TRIM14: variants seen among roughly 807,000 people sequenced by gnomAD.
The protein encoded by TRIM14 is tripartite motif containing 14.
In TRIM14, 28 loss-of-function variants were observed where a neutral mutation model predicts 44.5. That is an observed-to-expected ratio of 0.63 (90% CI 0.47 to 0.86). The LOEUF (loss-of-function observed/expected upper bound fraction) is 0.86. Among genes scored for constraint, TRIM14 ranks in the 40% least tolerant of loss-of-function variants. The pLI, the probability that TRIM14 is intolerant of heterozygous loss-of-function variation, is 0.00. For missense variants in TRIM14, 607 were observed against 611.1 expected (o/e 0.99, Z 0.07); for synonymous variants, 299 against 269.2 (o/e 1.11, Z -1.08).
intron 5 of TRIM14, 77 bp from the exon 6 acceptor site, chr9:98,088,082 C>G: frequency 1.5e-6 from 2 of 1,365,436 alleles, no homozygotes; most frequent in Non-Finnish European, 1.9e-6. Context: ...CCCACCAACG[C>G]ACGTGCAAAT....
the TRIM14 span, among the ~76,000 whole-genome samples, chr9:98,054,720 C>T: frequency 7.2e-5 from 11 of 152,304 alleles, no homozygotes; most frequent in African/African-American, 2.6e-4. Flanking sequence ...ATAGAGATGA[C>T]GCCAGAGTCA....
intron 1 of TRIM14, among the ~76,000 whole-genome samples, chr9:98,114,099 T>C (rs1053991508): frequency 6.6e-6 from 1 of 152,218 alleles, no homozygotes; most frequent in African/African-American, 2.4e-5. Flanking sequence ...ATGGGAAATA[T>C]TGTCAAATAA....
At position 98,100,273 on chromosome 9, in the gene TRIM14, C is replaced by T. The variant is rs1317568242; in HGVS notation, c.304-109G>A. ...CTGAAATGTGAGTTCAGTAAAGTGGCCAGTCAGACACAAGATCAACTTATA... is the reference window on the plus strand; with the variant it reads ...CTGAAATGTGAGTTCAGTAAAGTGGTCAGTCAGACACAAGATCAACTTATA... On this transcript the variant is annotated intron_variant, in intron 2 of 5. Coordinates refer to ENST00000341469, the MANE Select transcript of TRIM14 (RefSeq NM_014788.4). 6.4e-6 allele frequency: 6 copies of T among 941,920 alleles called. No individual in the cohort carries two copies. In the African/African-American group the frequency reaches 9.9e-5, roughly 15 times the overall value. 58.3% of individuals were successfully genotyped at this position (941,920 alleles called of 1,614,324 possible).
downstream of TRIM14, chr9:98,080,733 G>A (rs1829814314): frequency 6.8e-7 from 1 of 1,468,984 alleles, no homozygotes; most frequent in Middle Eastern, 2.6e-4. Flanking sequence ...GCTAAACCGG[G>A]GCTCAACCAG....
Position 98,077,611 on chromosome 9 carries a change from G to A in TRIM14, c.*29-7924C>T, listed in dbSNP as rs116074128. Among the ~76,000 whole-genome samples, 675 of 152,262 alleles carry A rather than the reference G, an allele frequency of 4.4e-3. 2 individuals carry two copies. Among genetic ancestry groups the A allele is most frequent in the African/African-American group, 0.015 (632 of 41,526 alleles). On this transcript the variant is annotated intron_variant, in intron 6 of 6. Transcript: ENST00000375098. Reference sequence around the variant, plus strand: ...TGCATTACTGTGGCCCCAGCTACTCGGGAGGCTGAGGTAGGAGGATTGCTT... The same window carrying A: ...TGCATTACTGTGGCCCCAGCTACTCAGGAGGCTGAGGTAGGAGGATTGCTT...
At chr9:98,106,707 T>C (rs1368977256) in intron 2 of TRIM14, among the ~76,000 whole-genome samples, 2 of 152,186 alleles carry the variant, frequency 1.3e-5, no homozygotes, top group South Asian at 2.1e-4. Context: ...TGGAAAGATA[T>C]ACCATATTCA....
downstream of TRIM14, chr9:98,081,341 C>A: frequency 2.0e-6 from 1 of 509,356 alleles, no homozygotes; most frequent in Non-Finnish European, 3.5e-6. Flanking sequence ...GAGTCTTCCA[C>A]TAATTCTCTG....
chr9:98,043,265 C>A, the TRIM14 span, among the ~76,000 whole-genome samples: 2 of 152,098 alleles, frequency 1.3e-5, no homozygotes, highest in Non-Finnish European at 2.9e-5. Context: ...GCAACCTCCC[C>A]CTCCTGGGTT....
At chr9:98,108,223 G>T (rs772353051) in intron 2 of TRIM14, among the ~76,000 whole-genome samples, 21 of 152,094 alleles carry the variant, frequency 1.4e-4, no homozygotes, top group Admixed American at 7.2e-4. Context: ...GTTGGGGAAA[G>T]GGTCAAGAGA....
intron 2 of TRIM14, among the ~76,000 whole-genome samples, chr9:98,103,253 G>GAA (rs980372978): frequency 1.7e-5 from 2 of 120,874 alleles, no homozygotes; most frequent in African/African-American, 3.1e-5. Flanking sequence ...AAGTTCTCCA[G>GAA]AAAAAAAAAA....
At chr9:98,096,330 G>GCC (rs1410655143) in intron 3 of TRIM14, among the ~76,000 whole-genome samples, 1 of 152,178 alleles carries the variant, frequency 6.6e-6, no homozygotes, top group Non-Finnish European at 1.5e-5. Flanking sequence ...CAGAGCGCTG[G>GCC]AATGGAGCTG....
intron 2 of TRIM14, among the ~76,000 whole-genome samples, chr9:98,101,412 C>T (rs191098905): frequency 5.9e-5 from 9 of 151,494 alleles, no homozygotes; most frequent in East Asian, 1.9e-4. Context: ...GAGGACAATA[C>T]GACAATAGCT....
chr9:98,078,127 A>T, intron 6 of TRIM14: 1 of 1,601,156 alleles, frequency 6.2e-7, no homozygotes, highest in Non-Finnish European at 8.5e-7. Context: ...AGCAGTTGGG[A>T]TGTGTTGGGG....
At chr9:98,081,162 C>T, downstream of TRIM14, 5 of 1,561,512 alleles carry the variant, frequency 3.2e-6, no homozygotes, top group Non-Finnish European at 3.5e-6. Flanking sequence ...ATGGTCAGGA[C>T]CAGCCCTCCC....
chr9:98,045,711 A>G, the TRIM14 span, among the ~76,000 whole-genome samples: 1 of 152,198 alleles, frequency 6.6e-6, no homozygotes, highest in Admixed American at 6.5e-5. Context: ...TGCTTTCATC[A>G]GATGGGGTCA....
intron 6 of TRIM14, chr9:98,076,894 G>A (rs774513568): frequency 2.5e-6 from 4 of 1,575,832 alleles, no homozygotes; most frequent in Middle Eastern, 1.7e-4. Flanking sequence ...TGGTGAAAAG[G>A]AGCTCCCTCT....
chr9:98,097,651 T>A (rs1466069249), intron 3 of TRIM14, among the ~76,000 whole-genome samples: 1 of 152,214 alleles, frequency 6.6e-6, no homozygotes, highest in Non-Finnish European at 1.5e-5. Context: ...GTCCAGCAAG[T>A]GACCTGGCTC....
chr9:98,077,050 G>A, intron 6 of TRIM14: 1 of 1,528,400 alleles, frequency 6.5e-7, no homozygotes, highest in Non-Finnish European at 9.0e-7. Flanking sequence ...AAAATCGAAG[G>A]GAGTCCAAAC....
Position 98,088,027 on chromosome 9 carries a change from A to C in TRIM14, c.794-22T>G. 7 of 1,479,630 alleles carry C rather than the reference A, an allele frequency of 4.7e-6. No homozygotes were observed. The highest frequency in any genetic ancestry group is 4.4e-6 in the Non-Finnish European group (5 of 1,128,924). The allele number at this position is 1,479,630 out of a possible 1,614,324, so 91.7% of individuals were successfully genotyped here. A position where few individuals can be genotyped will look rare whatever the true frequency, so the allele number is the denominator to read the frequency against. On this transcript the variant is annotated intron_variant, in intron 5 of 5. Transcript: ENST00000341469. ...GCGTCTGCAGGGGGCGAGACAAGGG[A>C]CGCACCTGGTGGGCGGGGCCAGCGC...
Sources: allele counts gnomAD v4.1 joint callset (sites outside exome capture counted in the v4.1 genomes callset), GRCh38; gene constraint gnomAD v4.1.1; transcripts MANE v1.5; gene names NCBI Gene and HGNC (gene_info 2026-07-23, HGNC 2026-07-21).